Variants in PODXL observed in about 807,000 individuals in gnomAD.
The protein encoded by PODXL is podocalyxin.
Under a neutral mutation model 48.9 loss-of-function variants are expected in PODXL, and 20 were observed. The ratio of observed to expected loss-of-function variants is 0.41; its 90% CI spans 0.29 to 0.59. The LOEUF is 0.59. Ranked by LOEUF, PODXL falls within the 20% of genes least tolerant of loss-of-function variation. The pLI is 0.31. For missense variants in PODXL, 606 were observed against 675.1 expected, an observed-to-expected ratio of 0.90 and a Z score of 1.13; for synonymous variants, 295 against 287.4, an observed-to-expected ratio of 1.03 and a Z score of -0.27.
At position 131,533,006 on chromosome 7, in the gene PODXL, T is replaced by A. The variant is rs922983221; in HGVS notation, c.101-21573A>T. On this transcript the variant is annotated intron_variant, in intron 1 of 8. Transcript: ENST00000378555. ...GTTGCCTAAGCCACCCAGCCGACAG[T>A]ATTTTGTTATACTGTAACAAAAATC... Among the ~76,000 whole-genome samples the A allele has an allele frequency of 3.9e-5, 6 of 152,290 alleles. 2 individuals are homozygous for A. Among genetic ancestry groups the A allele is most frequent in the Admixed American group, 3.9e-4 (6 of 15,308 alleles).
intron 1 of PODXL, among the ~76,000 whole-genome samples, chr7:131,516,861 C>G (rs1798005545): frequency 6.6e-6 from 1 of 150,652 alleles, no homozygotes; most frequent in Non-Finnish European, 1.5e-5. Context: ...TCCCAAGTAG[C>G]TGGGAGCACA....
chr7:131,521,337 A>T (rs992733159), intron 1 of PODXL, among the ~76,000 whole-genome samples: 2 of 146,498 alleles, frequency 1.4e-5, no homozygotes, highest in South Asian at 2.2e-4. Flanking sequence ...ATTAAGGTCA[A>T]TTTTTTTTTT....
In PODXL at chr7:131,508,869, T is replaced by C. The variant is rs1797856482; in HGVS notation, c.1101+82A>G. On this transcript the variant is annotated intron_variant, in intron 5 of 8. Coordinates refer to ENST00000378555, the MANE Select transcript of PODXL (RefSeq NM_001018111.3). Reference sequence around the variant, plus strand: ...TTAGAAAGATGTTTAAAAATGCACCTAGAAAGAACATACATTCCCTCTCCC... The same window carrying C: ...TTAGAAAGATGTTTAAAAATGCACCCAGAAAGAACATACATTCCCTCTCCC... 5.0e-6 allele frequency: 5 copies of C among 999,924 alleles called. No homozygotes were observed. The South Asian group carries it at 6.4e-5, about 13-fold the overall frequency. 61.9% of individuals were successfully genotyped at this position (999,924 alleles called of 1,614,324 possible).
chr7:131,535,941 A>G (rs1291288457), intron 1 of PODXL, among the ~76,000 whole-genome samples: 1 of 152,168 alleles, frequency 6.6e-6, no homozygotes, highest in Non-Finnish European at 1.5e-5. Context: ...AATTTTTTGT[A>G]GAGACAGAGT....
chr7:131,520,284 A>T, intron 1 of PODXL: 1 of 512,282 alleles, frequency 2.0e-6, no homozygotes, highest in Non-Finnish European at 3.8e-6. Flanking sequence ...GAGATCCAGA[A>T]ATTTGCCATG....
intron 1 of PODXL, among the ~76,000 whole-genome samples, chr7:131,523,965 A>AT (rs1212295223): frequency 1.3e-5 from 2 of 151,598 alleles, no homozygotes; most frequent in African/African-American, 4.8e-5. Context: ...CGCCCAGTTA[A>AT]TTTTTTGTAT....
chr7:131,507,431 G>A (rs1288181415), intron 5 of PODXL, among the ~76,000 whole-genome samples: 1 of 152,200 alleles, frequency 6.6e-6, no homozygotes, highest in Admixed American at 6.5e-5. Context: ...GGGGAGAAGT[G>A]TGGGCAGCAT....
chr7:131,549,024 T>G (rs972265552), intron 1 of PODXL, among the ~76,000 whole-genome samples: 2 of 152,172 alleles, frequency 1.3e-5, no homozygotes, highest in African/African-American at 4.8e-5. Context: ...TACAGCACAA[T>G]GGAAGTCCCT....
At chr7:131,510,686 G>A in intron 2 of PODXL, 142 bp downstream of exon 2, 1 of 859,876 alleles carries the variant, frequency 1.2e-6, no homozygotes, top group South Asian at 1.6e-5. Flanking sequence ...TGGCCAGGCT[G>A]GTCTCGAACT....
chr7:131,541,197 G>T (rs1346797476), intron 1 of PODXL, among the ~76,000 whole-genome samples: 1 of 152,168 alleles, frequency 6.6e-6, no homozygotes, highest in East Asian at 1.9e-4. Context: ...GCAAAGCAGG[G>T]CAAATAAAGC....
intron 1 of PODXL, among the ~76,000 whole-genome samples, chr7:131,535,637 G>A (rs1685023729): frequency 6.6e-6 from 1 of 152,176 alleles, no homozygotes; most frequent in Non-Finnish European, 1.5e-5. Context: ...GAAGACAACC[G>A]CAGAAACAAC....
chr7:131,537,588 G>GCCCCC (rs1562915018), intron 1 of PODXL, among the ~76,000 whole-genome samples: 1 of 132,880 alleles, frequency 7.5e-6, no homozygotes. Context: ...GCAAGACTCC[G>GCCCCC]CCCCACCCCA....
rs557667563 is a variant in PODXL, at chr7:131,556,460, G to A, written c.-101C>T. On this transcript the variant is annotated 5_prime_UTR_variant, in exon 1 of 9. Coordinates refer to ENST00000378555, the MANE Select transcript of PODXL (RefSeq NM_001018111.3). ...GTGGGCGCCGCCCGGGGAGGCCTGTGGGTGGCTCCGGAGGCCAGGCTGTGG... is the reference window on the plus strand; with the variant it reads ...GTGGGCGCCGCCCGGGGAGGCCTGTAGGTGGCTCCGGAGGCCAGGCTGTGG... 2,158 of 1,262,262 alleles carry A rather than the reference G, an allele frequency of 1.7e-3. 30 individuals are homozygous for A. The African/African-American group carries it at 0.029, about 17-fold the overall frequency. 78.2% of individuals were successfully genotyped at this position (1,262,262 alleles called of 1,614,324 possible). A position where few individuals can be genotyped will look rare whatever the true frequency, so the allele number is the denominator to read the frequency against.
intron 1 of PODXL, among the ~76,000 whole-genome samples, chr7:131,548,846 C>G (rs942119076): frequency 6.6e-6 from 1 of 152,202 alleles, no homozygotes; most frequent in Non-Finnish European, 1.5e-5. Flanking sequence ...TAGGCCGGCC[C>G]CCACCTGCCA....
intron 5 of PODXL, 104 bp from the exon 6 acceptor site, chr7:131,506,830 T>C: frequency 7.9e-7 from 1 of 1,263,094 alleles, no homozygotes; most frequent in South Asian, 1.3e-5. Flanking sequence ...GTTGCTGTGC[T>C]AGAACCTGCC....
At chr7:131,526,672 A>G (rs748196264) in intron 1 of PODXL, among the ~76,000 whole-genome samples, 8 of 151,142 alleles carry the variant, frequency 5.3e-5, no homozygotes, top group Non-Finnish European at 1.2e-4. Flanking sequence ...CACTTTGGAA[A>G]AGAGTGTGGC....
At chr7:131,516,569 C>T (rs1167186274) in intron 1 of PODXL, among the ~76,000 whole-genome samples, 6 of 152,012 alleles carry the variant, frequency 3.9e-5, no homozygotes, top group Non-Finnish European at 7.4e-5. Context: ...GTATGTCCTG[C>T]TCACTCATGC....
chr7:131,537,936 G>A (rs1221977775), intron 1 of PODXL, among the ~76,000 whole-genome samples: 1 of 152,174 alleles, frequency 6.6e-6, no homozygotes, highest in Non-Finnish European at 1.5e-5. Flanking sequence ...TCTATTGTGT[G>A]CACATGCCAC....
chr7:131,509,230 G>A, intron 4 of PODXL, 135 bp downstream of exon 4: 1 of 823,818 alleles, frequency 1.2e-6, no homozygotes, highest in Non-Finnish European at 2.0e-6. Context: ...GGGAGAGGGA[G>A]GAGGGAATGG....
Sources: gnomAD v4.1 joint callset for allele counts (sites outside exome capture counted in the v4.1 genomes callset) on GRCh38, gnomAD v4.1.1 for gene constraint, MANE v1.5 for transcripts, NCBI Gene and HGNC (gene_info 2026-07-23, HGNC 2026-07-21) for gene names.